Variants in FHIT observed in about 807,000 individuals in gnomAD.
The protein encoded by FHIT is bis(5'-adenosyl)-triphosphatase.
A neutral mutation model predicts 17.9 loss-of-function variants in FHIT; 19 were observed. The observed-to-expected ratio is 1.06, with a 90% CI of 0.74 to 1.56. FHIT has a LOEUF of 1.56. FHIT is among the 40% of genes most tolerant of loss of function. The pLI, the probability that FHIT is intolerant of heterozygous loss-of-function variation, is 0.00. For synonymous variants in FHIT, 81 were observed against 69.7 expected (o/e 1.16, Z -0.81); for missense variants, 248 against 189.2 (o/e 1.31, Z -1.82).
chr3:59,986,817 A>G (rs1431582800), intron 7 of FHIT, among the ~76,000 whole-genome samples: 2 of 65,684 alleles, frequency 3.0e-5, no homozygotes, highest in Non-Finnish European at 5.1e-5. Flanking sequence ...ATTATATATT[A>G]AAATATATAC....
intron 5 of FHIT, among the ~76,000 whole-genome samples, chr3:60,440,458 G>C (rs922902179): frequency 6.6e-6 from 1 of 151,912 alleles, no homozygotes; most frequent in Non-Finnish European, 1.5e-5. Context: ...TAAATAATAA[G>C]AGAGGCCACC....
At chr3:61,183,245 C>A (rs906306656) in intron 2 of FHIT, among the ~76,000 whole-genome samples, 1 of 152,134 alleles carries the variant, frequency 6.6e-6, no homozygotes, top group Non-Finnish European at 1.5e-5. Flanking sequence ...GCTCTTAATA[C>A]CTAGCTCTCA....
chr3:60,272,637 G>A (rs1189486775), intron 5 of FHIT, among the ~76,000 whole-genome samples: 1 of 152,176 alleles, frequency 6.6e-6, no homozygotes, highest in Non-Finnish European at 1.5e-5. Flanking sequence ...TAATGAGGAT[G>A]AGGACCTCAC....
intron 4 of FHIT, among the ~76,000 whole-genome samples, chr3:60,635,288 T>C (rs2039553213): frequency 8.1e-6 from 1 of 123,774 alleles, no homozygotes; most frequent in Non-Finnish European, 1.7e-5. Context: ...CAGAATCACA[T>C]TTTTCTTTTT....
At chr3:60,272,294 AG>A (rs1463846033) in intron 5 of FHIT, among the ~76,000 whole-genome samples, 1 of 152,242 alleles carries the variant, frequency 6.6e-6, no homozygotes, top group Non-Finnish European at 1.5e-5. Context: ...TACAGAAGAC[AG>A]GAACACAACT....
At chr3:60,266,808 T>G (rs964911975) in intron 5 of FHIT, among the ~76,000 whole-genome samples, 1 of 151,956 alleles carries the variant, frequency 6.6e-6, no homozygotes, top group Non-Finnish European at 1.5e-5. Flanking sequence ...ATACCAGAAG[T>G]GCATGAACAT....
rs1708898865 is a variant in FHIT, at chr3:60,951,852, CTT to C, written c.-111+90193_-111+90194del. On this transcript the variant is annotated intron_variant, in intron 3 of 9. Transcript: ENST00000492590. ...TTTCCCTAAATAAAGGGAAAGGTCT[CTT>C]TGAGTGGGGCAGAAAGGATTCCACT... is the stretch of plus-strand genomic sequence containing the variant. 2.0e-5 allele frequency among the ~76,000 whole-genome samples: 3 copies of C among 152,054 alleles called. No individual in the cohort carries two copies. In the South Asian group the frequency reaches 6.2e-4, roughly 32 times the overall value.
intron 7 of FHIT, among the ~76,000 whole-genome samples, chr3:59,945,793 G>C (rs1264593237): frequency 1.3e-5 from 2 of 152,088 alleles, no homozygotes; most frequent in Non-Finnish European, 2.9e-5. Flanking sequence ...TGAAAAAGGA[G>C]TCCTTTCCCC....
intron 3 of FHIT, among the ~76,000 whole-genome samples, chr3:60,854,064 T>C (rs1409290165): frequency 6.6e-6 from 1 of 152,074 alleles, no homozygotes; most frequent in Non-Finnish European, 1.5e-5. Flanking sequence ...AGTGTAAATG[T>C]TCAGATTCAC....
chr3:60,441,431 T>C (rs796839186), intron 5 of FHIT, among the ~76,000 whole-genome samples: 9 of 151,896 alleles, frequency 5.9e-5, no homozygotes, highest in African/African-American at 1.9e-4. Context: ...ATCATTTAAA[T>C]AGTGGGCTGA....
At chr3:60,316,631 G>T (rs1397382065) in intron 5 of FHIT, among the ~76,000 whole-genome samples, 1 of 152,152 alleles carries the variant, frequency 6.6e-6, no homozygotes. Context: ...CATTTGCATT[G>T]CTACAAATTT....
chr3:60,661,383 C>T (rs976146837), intron 4 of FHIT, among the ~76,000 whole-genome samples: 1 of 152,126 alleles, frequency 6.6e-6, no homozygotes, highest in African/African-American at 2.4e-5. Flanking sequence ...ATCATTATTT[C>T]ATTTCTTTTT....
intron 3 of FHIT, among the ~76,000 whole-genome samples, chr3:60,995,607 G>A (rs1234457339): frequency 6.6e-6 from 1 of 152,152 alleles, no homozygotes; most frequent in East Asian, 1.9e-4. Flanking sequence ...TTCAAAGAGA[G>A]CTGCAAAAGC....
intron 7 of FHIT, among the ~76,000 whole-genome samples, chr3:59,949,901 A>G (rs770411128): frequency 1.8e-4 from 27 of 152,208 alleles, no homozygotes; most frequent in Non-Finnish European, 3.5e-4. Context: ...CCTCCTTACA[A>G]ATCACAACAA....
intron 4 of FHIT, among the ~76,000 whole-genome samples, chr3:60,644,627 G>A (rs6803624): frequency 0.026 from 3,925 of 152,226 alleles, 153 homozygotes; most frequent in African/African-American, 0.089. Flanking sequence ...TGATTAGGTG[G>A]TAATAATCTT....
At chr3:60,727,911 G>A (rs1478698151) in intron 4 of FHIT, among the ~76,000 whole-genome samples, 1 of 152,202 alleles carries the variant, frequency 6.6e-6, no homozygotes, top group Non-Finnish European at 1.5e-5. Context: ...GGCTGAGGCA[G>A]GAGAATGGCG....
chr3:60,871,037 C>T (rs1396349211), intron 3 of FHIT, among the ~76,000 whole-genome samples: 1 of 152,108 alleles, frequency 6.6e-6, no homozygotes, highest in African/African-American at 2.4e-5. Context: ...AATAGGAGCA[C>T]TGAGAACATG....
At chr3:60,971,605 TC>T (rs1352536590) in intron 3 of FHIT, among the ~76,000 whole-genome samples, 1 of 152,118 alleles carries the variant, frequency 6.6e-6, no homozygotes, top group Non-Finnish European at 1.5e-5. Context: ...TGATGTTTTT[TC>T]CCCCATGGGT....
At chr3:59,965,749 C>A (rs571712705) in intron 7 of FHIT, among the ~76,000 whole-genome samples, 5 of 152,160 alleles carry the variant, frequency 3.3e-5, no homozygotes, top group Non-Finnish European at 7.3e-5. Flanking sequence ...CATGACTATA[C>A]ATTTATATTA....
Sources: allele counts gnomAD v4.1 joint callset (sites outside exome capture counted in the v4.1 genomes callset), GRCh38; gene constraint gnomAD v4.1.1; transcripts MANE v1.5; gene names NCBI Gene and HGNC (gene_info 2026-07-23, HGNC 2026-07-21).